Variants in AHR observed in about 807,000 individuals in gnomAD.
AHR encodes AH-receptor.
AHR carries 40 observed loss-of-function variants against 86.8 expected under a neutral mutation model. The ratio of observed to expected loss-of-function variants is 0.46; its 90% CI spans 0.36 to 0.60. AHR has a LOEUF of 0.60. Ranked by LOEUF, AHR falls within the 20% of genes least tolerant of loss-of-function variation. The pLI is 0.00. For synonymous variants in AHR, 398 were observed against 354.9 expected (o/e 1.12, Z -1.37); for missense variants, 1,001 against 1,011.6 (o/e 0.99, Z 0.14).
At position 17,339,474 on chromosome 7, in the gene AHR, T is replaced by G; in HGVS notation, c.1649T>G (p.Phe550Cys). 1.9e-6 allele frequency: 3 copies of G among 1,614,186 alleles called. No homozygotes were observed. The East Asian group carries it at 6.7e-5, about 36-fold the overall frequency. ...ATAATGAAAAACCTAGGCATTGATT[T>G]TGAAGACATCAGACACATGCAGAAT... Reference protein sequence around the residue: ...YSIMKNLGIDFEDIRHMQNEK... With the variant: ...YSIMKNLGIDCEDIRHMQNEK... Residue 550 changes from phenylalanine (F) to cysteine (C), a missense_variant, in exon 10 of 11, where the codon TTT becomes TGT. Physicochemically the swap from Phe to Cys is radical, Grantham distance 205. Around this residue, in one of 2 missense-constraint regions of AHR, gnomAD observed 607 missense variants for 543.1 expected, o/e 1.12. Coordinates refer to ENST00000242057, the MANE Select transcript of AHR (RefSeq NM_001621.5).
intron 4 of AHR, 67 bp downstream of exon 4, chr7:17,327,915 CAGTT>C (rs1299581052): frequency 1.4e-5 from 9 of 628,442 alleles, no homozygotes; most frequent in Non-Finnish European, 2.0e-5. Flanking sequence ...ATTTAGGACA[CAGTT>C]GGCCATTTGT....
At chr7:17,300,407 C>G (rs1444341596) in intron 1 of AHR, among the ~76,000 whole-genome samples, 1 of 152,172 alleles carries the variant, frequency 6.6e-6, no homozygotes, top group African/African-American at 2.4e-5. Context: ...TAGACTCCAA[C>G]TATCACTAAT....
chr7:17,334,975 T>TAATA lies in AHR; in HGVS notation c.997_998insAATA (p.Cys333Ter). ...TATTCATGCAGCTGATATGCTTTAT[T>TAATA]GTGCCGAGTCCCATATCCGAAGTAA... is the stretch of plus-strand genomic sequence containing the variant. On this transcript the variant is annotated stop_gained and frameshift_variant, in exon 8 of 11. Coordinates refer to ENST00000242057, the MANE Select transcript of AHR (RefSeq NM_001621.5). 6.2e-7 allele frequency: 1 copy of TAATA among 1,613,276 alleles called. No individual in the cohort carries two copies. Among genetic ancestry groups the TAATA allele is most frequent in the Non-Finnish European group, 8.5e-7 (1 of 1,179,368 alleles).
At chr7:17,334,825 G>C in intron 7 of AHR, 62 bp from the exon 8 acceptor site, 1 of 1,182,708 alleles carries the variant, frequency 8.5e-7, no homozygotes, top group South Asian at 1.5e-5. Flanking sequence ...AATTTATCTT[G>C]GTTATTTCAT....
chr7:17,343,102 T>C lies in AHR; in HGVS notation c.*38T>C. ...TTTTGACCCTGGTTTTTGGATTAAA[T>C]TAGTTTGTGAAGGATTATGGAAAAA... On this transcript the variant is annotated 3_prime_UTR_variant, in exon 11 of 11. Coordinates refer to ENST00000242057, the MANE Select transcript of AHR (RefSeq NM_001621.5). 1 of 1,607,560 alleles carries C rather than the reference T, an allele frequency of 6.2e-7. No individual in the cohort carries two copies.
intron 1 of AHR, among the ~76,000 whole-genome samples, chr7:17,302,014 A>G (rs1030949130): frequency 2.6e-5 from 4 of 151,956 alleles, no homozygotes; most frequent in Admixed American, 6.5e-5. Context: ...GAAAGTGTTT[A>G]TTTATTTTGT....
chr7:17,344,508 C>G lies in AHR; in HGVS notation c.*1444C>G, dbSNP rs536580143. 6.6e-6 allele frequency: 1 copy of G among 152,262 alleles called. No individual in the cohort carries two copies. The highest frequency in any genetic ancestry group is 2.4e-5 in the African/African-American group (1 of 41,344). The allele number at this position is 152,262 out of a possible 1,614,324, so 9.4% of individuals were successfully genotyped here. On this transcript the variant is annotated 3_prime_UTR_variant, in exon 11 of 11. Coordinates refer to ENST00000242057, the MANE Select transcript of AHR (RefSeq NM_001621.5). Reference sequence around the variant, plus strand: ...AAAGACAACCACATAGTTCGTTTACCTTCAAACTTTAGGTTTTTTTAATGA... The same window carrying G: ...AAAGACAACCACATAGTTCGTTTACGTTCAAACTTTAGGTTTTTTTAATGA...
In AHR at chr7:17,299,340, C is replaced by T; in HGVS notation, c.65+11C>T. ...GCCGGTGCAGAAAACGTGAGTGTCC[C>T]GAGCGCGTCCTCATCGCGGGGGCTG... On this transcript the variant is annotated intron_variant, in intron 1 of 10. Transcript: ENST00000242057. The T allele has an allele frequency of 6.2e-7, 1 of 1,611,442 alleles. No homozygotes were observed. The highest frequency in any genetic ancestry group is 1.3e-5 in the African/African-American group (1 of 74,906).
At chr7:17,329,418 C>T (rs570790787) in intron 4 of AHR, among the ~76,000 whole-genome samples, 9 of 151,848 alleles carry the variant, frequency 5.9e-5, no homozygotes, top group East Asian at 1.9e-4. Flanking sequence ...GACTCAGCAC[C>T]GTAGTAAATG....
At chr7:17,303,644 T>A (rs1434698411) in intron 1 of AHR, among the ~76,000 whole-genome samples, 1 of 152,100 alleles carries the variant, frequency 6.6e-6, no homozygotes, top group Non-Finnish European at 1.5e-5. Flanking sequence ...TTTTTTTAAC[T>A]GTTTTTCTTT....
At position 17,338,092 on chromosome 7, in the gene AHR, G is replaced by A. The variant is rs546594920; in HGVS notation, c.1161-894G>A. On this transcript the variant is annotated intron_variant, in intron 9 of 10. Transcript: ENST00000242057. ...CGGGCGCCTGTAGTCCCAGCTACTCGGGAGGCTGAGGCAGGAGAATGGCGT... is the reference window on the plus strand; with the variant it reads ...CGGGCGCCTGTAGTCCCAGCTACTCAGGAGGCTGAGGCAGGAGAATGGCGT... Among the ~76,000 whole-genome samples the A allele has an allele frequency of 1.3e-3, 198 of 150,882 alleles. 1 individual carries two copies. The highest frequency in any genetic ancestry group is 4.4e-3 in the African/African-American group (182 of 41,392).
At position 17,299,168 on chromosome 7, in the gene AHR, C is replaced by A; in HGVS notation, c.-97C>A. 7.3e-7 allele frequency: 1 copy of A among 1,371,046 alleles called. No individual in the cohort carries two copies. Among genetic ancestry groups the A allele is most frequent in the Non-Finnish European group, 9.6e-7 (1 of 1,036,628 alleles). 84.9% of individuals were successfully genotyped at this position (1,371,046 alleles called of 1,614,324 possible). Reference sequence around the variant, plus strand: ...GTGGAGCGGGCGCGGCTTCGCGGAACCCGGCGCCGGCCGCCGCAGTGGTCC... The same window carrying A: ...GTGGAGCGGGCGCGGCTTCGCGGAAACCGGCGCCGGCCGCCGCAGTGGTCC... On this transcript the variant is annotated 5_prime_UTR_variant, in exon 1 of 11. Transcript: ENST00000242057.
chr7:17,337,718 G>A (rs1458160273), intron 9 of AHR, among the ~76,000 whole-genome samples: 180 of 149,538 alleles, frequency 1.2e-3, no homozygotes, highest in Non-Finnish European at 2.1e-3. Flanking sequence ...CTCGTGATCC[G>A]CCCGCCTCAG....
At chr7:17,331,870 A>C (rs2115365108) in intron 6 of AHR, among the ~76,000 whole-genome samples, 1 of 152,140 alleles carries the variant, frequency 6.6e-6, no homozygotes, top group South Asian at 2.1e-4. Flanking sequence ...AATTTGAAAC[A>C]GATAATCAAA....
chr7:17,327,669 A>C (rs1219641588), intron 3 of AHR, 90 bp from the exon 4 acceptor site: 1 of 605,482 alleles, frequency 1.7e-6, no homozygotes, highest in African/African-American at 1.9e-5. Context: ...TATTTTGAAG[A>C]GAAGAATTTT....
intron 1 of AHR, among the ~76,000 whole-genome samples, chr7:17,299,956 A>G (rs1363743996): frequency 2.0e-5 from 3 of 152,308 alleles, no homozygotes; most frequent in South Asian, 2.1e-4. Context: ...GATGCAACGG[A>G]CAGGATACGG....
intron 10 of AHR, among the ~76,000 whole-genome samples, chr7:17,340,982 AAAAAAAG>A (rs1782417779): frequency 6.6e-6 from 1 of 152,198 alleles, no homozygotes; most frequent in Non-Finnish European, 1.5e-5. Flanking sequence ...TCACTTAAAA[AAAAAAAG>A]TTAACATAAT....
rs1782384355 is a variant in AHR, at chr7:17,338,854, T to G, written c.1161-132T>G. The stretch of plus-strand genomic sequence containing the variant: ...GCACCAGTCATGAGAATAATTGAGG[T>G]GAAAATAAAATATGTCCCTTTCTGA... On this transcript the variant is annotated intron_variant, in intron 9 of 10. Coordinates refer to ENST00000242057, the MANE Select transcript of AHR (RefSeq NM_001621.5). 4.6e-6 allele frequency: 4 copies of G among 876,516 alleles called. No homozygotes were observed. The South Asian group carries it at 1.0e-4, about 22-fold the overall frequency. The allele number at this position is 876,516 out of a possible 1,614,324, so 54.3% of individuals were successfully genotyped here. A position where few individuals can be genotyped will look rare whatever the true frequency, so the allele number is the denominator to read the frequency against.
At chr7:17,330,959 C>G (rs1160681773) in intron 6 of AHR, 73 bp downstream of exon 6, 2 of 1,508,874 alleles carry the variant, frequency 1.3e-6, no homozygotes, top group Non-Finnish European at 1.8e-6. Flanking sequence ...TTTAATTTAG[C>G]AAAATATAAT....
Sources: gnomAD v4.1 joint callset for allele counts (sites outside exome capture counted in the v4.1 genomes callset) on GRCh38, gnomAD v4.1.1 for gene constraint, gnomAD v4.1.1 regional missense constraint, MANE v1.5 for transcripts, NCBI Gene and HGNC (gene_info 2026-07-23, HGNC 2026-07-21) for gene names.